The following GSTA3 variants were observed in gnomAD, a reference collection of about 807,000 sequenced individuals.
GSTA3 encodes the protein glutathione S-transferase alpha 3.
GSTA3 carries 16 observed loss-of-function variants against 23.1 expected under a neutral mutation model. That is an observed-to-expected ratio of 0.69 (90% CI 0.47 to 1.05). The LOEUF is 1.05. GSTA3 is among the 50% of genes least tolerant of loss of function. The pLI is 0.00. For missense variants in GSTA3, 319 were observed against 263.6 expected, an observed-to-expected ratio of 1.21 and a Z score of -1.46; for synonymous variants, 122 against 91.0, an observed-to-expected ratio of 1.34 and a Z score of -1.94.
Position 52,897,863 on chromosome 6 carries a change from G to A in GSTA3, c.508C>T (p.Leu170Phe), listed in dbSNP as rs1765511680. 1 of 1,613,950 alleles carries A rather than the reference G, an allele frequency of 6.2e-7. No homozygotes were observed. The highest frequency in any genetic ancestry group is 8.5e-7 in the Non-Finnish European group (1 of 1,179,896). The change falls in exon 6 of 7, where the codon CTT (leucine) becomes TTT (phenylalanine). Residue 170 changes from leucine to phenylalanine, a missense_variant. Leu to Phe is a conservative substitution (Grantham distance 22). Transcript: ENST00000211122. ...LVELLYYVEE[L>F]DSSLISNFPL... ...AAGTTGGAGATAAGGCTGGAGTCAA[G>A]CTCTTCCACATAGTAGAGAAGTTCC...
In GSTA3 at chr6:52,902,452, G is replaced by C; in HGVS notation, c.166C>G (p.Pro56Ala). The C allele has an allele frequency of 6.2e-7, 1 of 1,612,210 alleles. No homozygotes were observed. Among genetic ancestry groups the C allele is most frequent in the Non-Finnish European group, 8.5e-7 (1 of 1,179,564 alleles). The change falls in exon 4 of 7, where the codon CCA becomes GCA. Residue 56 changes from proline to alanine, a missense_variant. Physicochemically the swap from Pro to Ala is conservative, Grantham distance 27. Transcript: ENST00000211122. Reference protein sequence around the residue: ...NDGSLMFQQVPMVEIDGMKLV... With the variant: ...NDGSLMFQQVAMVEIDGMKLV... ...TTCATCCCATCAATCTCAACCATTG[G>C]TACTTGCTGGAACATCAAACTCCCA...
intron 3 of GSTA3, among the ~76,000 whole-genome samples, chr6:52,903,304 G>A (rs1765758503): frequency 6.6e-6 from 1 of 151,878 alleles, no homozygotes; most frequent in African/African-American, 2.4e-5. Flanking sequence ...ATCTTCAACT[G>A]TGGCCGGGCA....
chr6:52,905,889 A>G, intron 1 of GSTA3, 34 bp from the exon 2 acceptor site: 3 of 1,086,396 alleles, frequency 2.8e-6, no homozygotes, highest in East Asian at 4.8e-5. Context: ...GAATGGATGA[A>G]TGAATGAGTC....
At chr6:52,900,145 A>T in intron 4 of GSTA3, 70 bp from the exon 5 acceptor site, 1 of 1,346,536 alleles carries the variant, frequency 7.4e-7, no homozygotes, top group Non-Finnish European at 1.0e-6. Context: ...TAAAAACCTA[A>T]GAGAATAGAG....
intron 5 of GSTA3, among the ~76,000 whole-genome samples, chr6:52,899,635 G>A (rs909761658): frequency 1.3e-5 from 2 of 152,194 alleles, no homozygotes; most frequent in African/African-American, 2.4e-5. Flanking sequence ...GCAACCTCTA[G>A]TGTGGTTCAG....
rs754558972 is a variant in GSTA3 at position 52,902,410 on chromosome 6, C to T, written c.208G>A (p.Ala70Thr). 6.2e-7 allele frequency: 1 copy of T among 1,613,978 alleles called. No individual in the cohort carries two copies. Among genetic ancestry groups the T allele is most frequent in the Non-Finnish European group, 8.5e-7 (1 of 1,179,912 alleles). The change falls in exon 4 of 7, where the codon GCC (alanine) becomes ACC (threonine). Residue 70 changes from alanine (A) to threonine (T), a missense_variant. By Grantham distance (58) the Ala-to-Thr change is moderately conservative. Transcript: ENST00000211122. ...TTGCTGGCAATGTAGTTGAGAATGG[C>T]TCTGGTCTGTACCAACTTCATCCCA... The part of the protein sequence containing the change: ...IDGMKLVQTR[A>T]ILNYIASKYN...
intron 5 of GSTA3, among the ~76,000 whole-genome samples, chr6:52,899,508 T>C (rs1765593713): frequency 6.6e-6 from 1 of 152,188 alleles, no homozygotes. Context: ...CACTACAATA[T>C]TCTCTGGTTG....
At chr6:52,899,903 G>A (rs772012865) in intron 5 of GSTA3, 31 bp downstream of exon 5, 4 of 1,611,690 alleles carry the variant, frequency 2.5e-6, no homozygotes, top group Non-Finnish European at 3.4e-6. Flanking sequence ...TCTAAACTCA[G>A]TGCCCCAAAA....
In GSTA3 at chr6:52,902,439, A is replaced by T; in HGVS notation, c.179T>A (p.Ile60Asn). 1.9e-6 allele frequency: 3 copies of T among 1,613,864 alleles called. No homozygotes were observed. The highest frequency in any genetic ancestry group is 2.5e-6 in the Non-Finnish European group (3 of 1,179,828). ...LMFQQVPMVEIDGMKLVQTRA... is the reference protein window; with the variant it reads ...LMFQQVPMVENDGMKLVQTRA... ...GGTCTGTACCAACTTCATCCCATCA[A>T]TCTCAACCATTGGTACTTGCTGGAA... The change falls in exon 4 of 7, where the codon ATT becomes AAT. Residue 60 changes from isoleucine (I) to asparagine (N), a missense_variant. Physicochemically the swap from Ile to Asn is moderately radical, Grantham distance 149 (BLOSUM62 -3). Transcript: ENST00000211122.
At chr6:52,904,224 A>T (rs1765810788) in intron 2 of GSTA3, among the ~76,000 whole-genome samples, 3 of 152,016 alleles carry the variant, frequency 2.0e-5, no homozygotes, top group African/African-American at 7.2e-5. Context: ...TCCTGGGCTC[A>T]AGCAATCCTC....
intron 2 of GSTA3, among the ~76,000 whole-genome samples, chr6:52,904,228 A>G (rs1400589890): frequency 6.6e-6 from 1 of 151,950 alleles, no homozygotes; most frequent in African/African-American, 2.4e-5. Context: ...GGGCTCAAGC[A>G]ATCCTCCCCT....
intron 3 of GSTA3, among the ~76,000 whole-genome samples, chr6:52,903,015 A>G (rs2127360144): frequency 6.6e-6 from 1 of 152,198 alleles, no homozygotes; most frequent in African/African-American, 2.4e-5. Context: ...CGTCTTATTC[A>G]TGTTCTTGTG....
chr6:52,898,244 C>T (rs1238129869), intron 5 of GSTA3, among the ~76,000 whole-genome samples: 1 of 152,106 alleles, frequency 6.6e-6, no homozygotes. Context: ...GGGTTTAGCA[C>T]CTGCTACTGC....
rs1294682983 is a variant in GSTA3, at chr6:52,909,698, T to C, written c.-79A>G. 1 of 152,208 alleles carries C rather than the reference T, an allele frequency of 6.6e-6. No homozygotes were observed. Among genetic ancestry groups the C allele is most frequent in the Non-Finnish European group, 1.5e-5 (1 of 68,046 alleles). The allele number at this position is 152,208 out of a possible 1,614,324, so 9.4% of individuals were successfully genotyped here. A position where few individuals can be genotyped will look rare whatever the true frequency, so the allele number is the denominator to read the frequency against. ...TCTCAAGGCCACCTCCTGATGTGTA[T>C]GTTAGCTGTTTTAATACTATGACAA... On this transcript the variant is annotated 5_prime_UTR_variant, in exon 1 of 7. Transcript: ENST00000211122.
At chr6:52,906,954 T>C (rs1268067564) in intron 1 of GSTA3, among the ~76,000 whole-genome samples, 3 of 149,124 alleles carry the variant, frequency 2.0e-5, no homozygotes, top group Non-Finnish European at 4.5e-5. Flanking sequence ...AAAGCCAAAA[T>C]TGACAAATGG....
At chr6:52,907,980 T>A (rs1765950507) in intron 1 of GSTA3, among the ~76,000 whole-genome samples, 1 of 150,554 alleles carries the variant, frequency 6.6e-6, no homozygotes, top group African/African-American at 2.5e-5. Flanking sequence ...ATAATAATAA[T>A]AAATAAATAA....
intron 4 of GSTA3, among the ~76,000 whole-genome samples, chr6:52,901,144 G>A (rs183517253): frequency 9.0e-4 from 137 of 152,188 alleles, no homozygotes; most frequent in Non-Finnish European, 1.6e-3. Context: ...ACACATTATC[G>A]TTGTCACCCA....
intron 5 of GSTA3, among the ~76,000 whole-genome samples, chr6:52,898,417 T>C (rs1406783293): frequency 6.6e-6 from 1 of 152,186 alleles, no homozygotes; most frequent in East Asian, 1.9e-4. Flanking sequence ...CATTTCTCCA[T>C]ATGTTCCATA....
chr6:52,901,376 A>C (rs924707495), intron 4 of GSTA3, among the ~76,000 whole-genome samples: 5 of 152,332 alleles, frequency 3.3e-5, no homozygotes, highest in African/African-American at 1.2e-4. Context: ...ACAATCCTAC[A>C]ATATGTGGAC....
Sources: gnomAD v4.1 joint callset for allele counts (sites outside exome capture counted in the v4.1 genomes callset) on GRCh38, gnomAD v4.1.1 for gene constraint, MANE v1.5 for transcripts, NCBI Gene and HGNC (gene_info 2026-07-23, HGNC 2026-07-21) for gene names.